BEND3: variants seen among roughly 807,000 people sequenced by gnomAD.
BEND3 encodes the protein BEN domain containing 3.
BEND3 carries 13 observed loss-of-function variants against 60.1 expected under a neutral mutation model. The observed-to-expected ratio is 0.22, with a 90% CI of 0.14 to 0.34. The LOEUF is 0.34. Among genes scored for constraint, BEND3 ranks in the 10% least tolerant of loss-of-function variants. The pLI, the probability that BEND3 is intolerant of heterozygous loss-of-function variation, is 1.00. For missense variants in BEND3, 896 were observed against 1,138.1 expected (o/e 0.79, Z 3.06); for synonymous variants, 497 against 491.5 (o/e 1.01, Z -0.15).
chr6:107,087,760 A>C (rs1314213161), intron 3 of BEND3, among the ~76,000 whole-genome samples: 4 of 151,150 alleles, frequency 2.6e-5, no homozygotes, highest in Admixed American at 1.3e-4. Flanking sequence ...AAACAAAAAA[A>C]CAGATGGTCA....
chr6:107,086,203 C>A (rs1554234227), intron 3 of BEND3, among the ~76,000 whole-genome samples: 2 of 152,092 alleles, frequency 1.3e-5, no homozygotes, highest in African/African-American at 4.8e-5. Flanking sequence ...CAGCTCCTGC[C>A]TTTCACCTGG....
intron 3 of BEND3, among the ~76,000 whole-genome samples, chr6:107,097,902 T>G (rs1270326142): frequency 1.3e-5 from 2 of 152,018 alleles, no homozygotes; most frequent in Non-Finnish European, 2.9e-5. Flanking sequence ...GGTTAAAATC[T>G]TAGTCTCATC....
rs140372572 is a variant in BEND3 at position 107,069,853 on chromosome 6, C to T, written c.1338G>A (p.Gln446=). Residue 446 remains glutamine (Q), a synonymous_variant, in exon 4 of 4, where the codon CAG becomes CAA. Coordinates refer to ENST00000369042, the MANE Select transcript of BEND3 (RefSeq NM_001367314.1). Reference sequence around the variant, plus strand: ...TGTAGTTGCGGATGATCTGCAGCCGCTGCGGGTCCAGCTCCTGCTTTCCAC... The same window carrying T: ...TGTAGTTGCGGATGATCTGCAGCCGTTGCGGGTCCAGCTCCTGCTTTCCAC... ...GDGGKQELDP[Q]RLQIIRNYTE... is the part of the protein sequence containing the mutation. 2.4e-4 allele frequency: 387 copies of T among 1,613,740 alleles called. 2 individuals are homozygous for T. The African/African-American group carries it at 4.1e-3, about 17-fold the overall frequency.
intron 1 of BEND3, among the ~76,000 whole-genome samples, chr6:107,104,835 GTTT>G (rs1179852870): frequency 1.1e-4 from 16 of 151,800 alleles, no homozygotes; most frequent in Admixed American, 1.1e-3. Flanking sequence ...CATACAGCTA[GTTT>G]TTTATTTTGT....
In BEND3 at chr6:107,069,642, A is replaced by C. The variant is rs782721467; in HGVS notation, c.1549T>G (p.Phe517Val). The C allele has an allele frequency of 6.2e-7, 1 of 1,610,428 alleles. No individual in the cohort carries two copies. The highest frequency in any genetic ancestry group is 8.5e-7 in the Non-Finnish European group (1 of 1,179,968). ...DISVVKVEDS[F>V]EGERPGRRSK... Reference sequence around the variant, plus strand: ...CGGCGACCCGGCCGCTCGCCCTCGAAGCTGTCCTCCACCTTGACCACTGAG... The same window carrying C: ...CGGCGACCCGGCCGCTCGCCCTCGACGCTGTCCTCCACCTTGACCACTGAG... Residue 517 changes from phenylalanine to valine, a missense_variant, in exon 4 of 4, where the codon TTC becomes GTC. This residue lies in a region of BEND3 where 846 missense variants were observed against 1,036.7 expected (regional missense o/e 0.82). Transcript: ENST00000369042.
chr6:107,087,102 C>T (rs71574227), intron 3 of BEND3, among the ~76,000 whole-genome samples: 10,778 of 151,202 alleles, frequency 0.071, 508 homozygotes, highest in South Asian at 0.13. Flanking sequence ...GAGGCCGAGG[C>T]GGGTGGACCA....
rs1774830058 is a variant in BEND3, at chr6:107,066,397, G to A, written c.*2307C>T. 1 of 152,482 alleles carries A rather than the reference G, an allele frequency of 6.6e-6. No homozygotes were observed. Among genetic ancestry groups the A allele is most frequent in the South Asian group, 2.1e-4 (1 of 4,828 alleles). The allele number at this position is 152,482 out of a possible 1,614,324, so 9.4% of individuals were successfully genotyped here. ...TGTGTCCACTTCTCTTCACAGAAAG[G>A]GACTGTAAGATTCTGGGGGAAGATG... On this transcript the variant is annotated 3_prime_UTR_variant, in exon 4 of 4. Coordinates refer to ENST00000369042, the MANE Select transcript of BEND3 (RefSeq NM_001367314.1).
chr6:107,101,107 C>A lies in BEND3; in HGVS notation c.-11-1811G>T, dbSNP rs369186714. Among the ~76,000 whole-genome samples, 5 of 152,212 alleles carry A rather than the reference C, an allele frequency of 3.3e-5. No homozygotes were observed. The South Asian group carries it at 6.2e-4, about 19-fold the overall frequency. ...GTCCCAGCTACTTGGGAGACTGAGG[C>A]AGGAGAACTGCTTGAACCCGGGAGG... is the stretch of plus-strand genomic sequence containing the variant. On this transcript the variant is annotated intron_variant, in intron 1 of 3. Coordinates refer to ENST00000369042, the MANE Select transcript of BEND3 (RefSeq NM_001367314.1).
In BEND3 at chr6:107,088,617, A is replaced by G. The variant is rs539080933; in HGVS notation, c.240+9934T>C. Among the ~76,000 whole-genome samples the G allele has an allele frequency of 1.4e-4, 21 of 152,332 alleles. 1 individual carries two copies. The South Asian group carries it at 4.3e-3, about 32-fold the overall frequency. Reference sequence around the variant, plus strand: ...AAAGAAGTAAGGTGGGGAACAAAACACTTTACCTATAGAGGAGCAAAGATA... The same window carrying G: ...AAAGAAGTAAGGTGGGGAACAAAACGCTTTACCTATAGAGGAGCAAAGATA... On this transcript the variant is annotated intron_variant, in intron 3 of 3. Transcript: ENST00000369042.
chr6:107,076,915 C>T (rs917227019), intron 3 of BEND3, among the ~76,000 whole-genome samples: 2 of 152,028 alleles, frequency 1.3e-5, no homozygotes, highest in Non-Finnish European at 2.9e-5. Flanking sequence ...TCACTGCAAC[C>T]TTCGCCATCA....
intron 3 of BEND3, among the ~76,000 whole-genome samples, chr6:107,098,266 A>G (rs1370161871): frequency 2.6e-5 from 4 of 152,226 alleles, no homozygotes; most frequent in Admixed American, 6.5e-5. Context: ...CGTCCTCACT[A>G]TCAGCAAGCT....
chr6:107,077,537 G>C, intron 3 of BEND3, among the ~76,000 whole-genome samples: 1 of 152,132 alleles, frequency 6.6e-6, no homozygotes, highest in South Asian at 2.1e-4. Flanking sequence ...ACACTATATG[G>C]TAAGGGTGAA....
At chr6:107,108,126 T>C (rs1775859692) in intron 1 of BEND3, among the ~76,000 whole-genome samples, 1 of 152,222 alleles carries the variant, frequency 6.6e-6, no homozygotes, top group Non-Finnish European at 1.5e-5. Flanking sequence ...AGGGCAATTT[T>C]CCCCAGAGTT....
intron 3 of BEND3, among the ~76,000 whole-genome samples, chr6:107,089,461 C>T (rs536089736): frequency 6.6e-6 from 1 of 151,458 alleles, no homozygotes; most frequent in South Asian, 2.1e-4. Flanking sequence ...TGACGGGCGC[C>T]TGTAGTCCCA....
intron 3 of BEND3, among the ~76,000 whole-genome samples, chr6:107,091,298 C>CA (rs1187154802): frequency 6.7e-5 from 10 of 149,966 alleles, no homozygotes; most frequent in Admixed American, 2.7e-4. Flanking sequence ...AGAAAAGAAA[C>CA]AAAAAAAAAT....
At chr6:107,099,443 A>G (rs781889785) in intron 1 of BEND3, 147 bp from the exon 2 acceptor site, 9 of 685,014 alleles carry the variant, frequency 1.3e-5, no homozygotes, top group Non-Finnish European at 2.3e-5. Context: ...TGTCCTCCTA[A>G]TCTTGTCTGC....
Position 107,069,351 on chromosome 6 carries a change from T to C in BEND3, c.1840A>G (p.Ile614Val). ...TAGAGCAGCTGCACGTAGTGGCGGA[T>C]GAGCTTGATGCGGGAGGGGTCCAGC... ...KQLDPSRIKL[I>V]RHYVQLLYPR... The change falls in exon 4 of 4, where the codon ATC becomes GTC. Residue 614 changes from isoleucine to valine, a missense_variant. Ile to Val is a conservative substitution (Grantham distance 29, BLOSUM62 3). This residue lies in a region of BEND3 where 846 missense variants were observed against 1,036.7 expected (regional missense o/e 0.82). Transcript: ENST00000369042. 1 of 1,612,544 alleles carries C rather than the reference T, an allele frequency of 6.2e-7. No homozygotes were observed. Among genetic ancestry groups the C allele is most frequent in the Non-Finnish European group, 8.5e-7 (1 of 1,179,628 alleles).
intron 1 of BEND3, among the ~76,000 whole-genome samples, chr6:107,111,171 T>C (rs1353323368): frequency 6.6e-6 from 1 of 151,716 alleles, no homozygotes; most frequent in Non-Finnish European, 1.5e-5. Context: ...TCTCAAAAAT[T>C]CCCAGAGTAA....
At chr6:107,099,376 T>C in intron 1 of BEND3, 80 bp from the exon 2 acceptor site, 1 of 1,276,960 alleles carries the variant, frequency 7.8e-7, no homozygotes, top group Non-Finnish European at 1.1e-6. Context: ...GAAAATCCTC[T>C]TACCCTCCCA....
Sources: allele counts gnomAD v4.1 joint callset (sites outside exome capture counted in the v4.1 genomes callset), GRCh38; gene constraint gnomAD v4.1.1; regional missense constraint gnomAD v4.1.1; transcripts MANE v1.5; gene names NCBI Gene and HGNC (gene_info 2026-07-23, HGNC 2026-07-21).